The following SDK2 variants were observed in gnomAD, a reference collection of about 807,000 sequenced individuals.
The protein encoded by SDK2 is protein sidekick-2.
SDK2 carries 105 observed loss-of-function variants against 253.9 expected under a neutral mutation model. The ratio of observed to expected loss-of-function variants is 0.41; its 90% CI spans 0.35 to 0.49. The LOEUF is 0.49. Ranked by LOEUF, SDK2 falls within the 20% of genes least tolerant of loss-of-function variation. The probability of loss-of-function intolerance (pLI) is 0.06; values close to 1 mark genes in which losing one functional copy is unlikely to be tolerated. For synonymous variants in SDK2, 1,249 were observed against 1,234.9 expected (o/e 1.01, Z -0.24); for missense variants, 2,608 against 3,003.0 (o/e 0.87, Z 3.07).
At chr17:73,489,993 C>T (rs2063794852) in intron 2 of SDK2, among the ~76,000 whole-genome samples, 1 of 152,172 alleles carries the variant, frequency 6.6e-6, no homozygotes. Context: ...AGTGGATTTA[C>T]CATCATGAGA....
chr17:73,376,631 A>G (rs1443671073), intron 36 of SDK2, among the ~76,000 whole-genome samples: 1 of 151,944 alleles, frequency 6.6e-6, no homozygotes, highest in Non-Finnish European at 1.5e-5. Flanking sequence ...TGTATTCTGT[A>G]TGGTGTTGTG....
chr17:73,634,508 G>A lies in SDK2; in HGVS notation c.64+9517C>T, dbSNP rs78692836. 1.3e-3 allele frequency among the ~76,000 whole-genome samples: 193 copies of A among 152,318 alleles called. 1 individual carries two copies. The highest frequency in any genetic ancestry group is 3.7e-3 in the African/African-American group (155 of 41,576). ...CACATACATTTGAGATTTTATGGCAGGATCCAATAAATACATTCACCTTAA... is the reference window on the plus strand; with the variant it reads ...CACATACATTTGAGATTTTATGGCAAGATCCAATAAATACATTCACCTTAA... On this transcript the variant is annotated intron_variant, in intron 1 of 44. Coordinates refer to ENST00000392650, the MANE Select transcript of SDK2 (RefSeq NM_001144952.2).
At chr17:73,432,352 C>T (rs1398511952) in intron 10 of SDK2, among the ~76,000 whole-genome samples, 4 of 152,054 alleles carry the variant, frequency 2.6e-5, no homozygotes, top group African/African-American at 9.7e-5. Context: ...TTAAAGAACC[C>T]CCCACCCCCG....
intron 2 of SDK2, among the ~76,000 whole-genome samples, chr17:73,499,921 G>A (rs562097177): frequency 1.1e-3 from 168 of 148,194 alleles, no homozygotes; most frequent in Admixed American, 5.7e-3. Flanking sequence ...TTGAGTGATC[G>A]CCTTGCTCAT....
intron 36 of SDK2, among the ~76,000 whole-genome samples, chr17:73,373,868 C>A (rs934635854): frequency 2.7e-5 from 4 of 150,008 alleles, no homozygotes; most frequent in African/African-American, 1.0e-4. Flanking sequence ...AACTACTGAC[C>A]TCAGGTGATC....
chr17:73,437,234 C>T (rs768569210), intron 8 of SDK2, among the ~76,000 whole-genome samples: 6 of 151,886 alleles, frequency 4.0e-5, no homozygotes, highest in South Asian at 2.1e-4. Flanking sequence ...TGTCTTTTGG[C>T]GGAAATGAAT....
intron 5 of SDK2, among the ~76,000 whole-genome samples, chr17:73,441,316 G>C (rs781194217): frequency 2.4e-4 from 36 of 152,064 alleles, no homozygotes; most frequent in Non-Finnish European, 4.7e-4. Context: ...CAAACTCTCT[G>C]TACGAGGTCA....
At chr17:73,388,307 G>A (rs763462224) in intron 29 of SDK2, among the ~76,000 whole-genome samples, 8 of 152,146 alleles carry the variant, frequency 5.3e-5, no homozygotes, top group Non-Finnish European at 1.0e-4. Flanking sequence ...AAGGATTGAC[G>A]GTGAGGAGTG....
At chr17:73,627,287 A>C (rs1173547094) in intron 1 of SDK2, among the ~76,000 whole-genome samples, 1 of 152,184 alleles carries the variant, frequency 6.6e-6, no homozygotes, top group African/African-American at 2.4e-5. Context: ...TATTTTGTGG[A>C]TTAAATGGCA....
chr17:73,585,844 C>A (rs374756154), intron 1 of SDK2, among the ~76,000 whole-genome samples: 1 of 152,212 alleles, frequency 6.6e-6, no homozygotes. Flanking sequence ...AGTAACTAGA[C>A]CCCTCTGAGC....
chr17:73,539,998 G>A (rs1006973225), intron 1 of SDK2, among the ~76,000 whole-genome samples: 4 of 148,464 alleles, frequency 2.7e-5, no homozygotes, highest in Non-Finnish European at 6.0e-5. Flanking sequence ...CCCAGGATGG[G>A]CAGCCCCCAC....
At chr17:73,601,481 A>G (rs542499305) in intron 1 of SDK2, among the ~76,000 whole-genome samples, 2 of 152,294 alleles carry the variant, frequency 1.3e-5, no homozygotes, top group African/African-American at 4.8e-5. Flanking sequence ...CTAGTCCAAT[A>G]TGCTGTCCTG....
rs1599521341 is a variant in SDK2, at chr17:73,395,480, G to A, written c.3355-88C>T. The A allele has an allele frequency of 9.4e-7, 1 of 1,067,236 alleles. No homozygotes were observed. The highest frequency in any genetic ancestry group is 1.4e-6 in the Non-Finnish European group (1 of 717,592). 66.1% of individuals were successfully genotyped at this position (1,067,236 alleles called of 1,614,324 possible). A position where few individuals can be genotyped will look rare whatever the true frequency, so the allele number is the denominator to read the frequency against. On this transcript the variant is annotated intron_variant, in intron 24 of 44. Transcript: ENST00000392650. This position sits in a 1 kb window ranked among gnomAD's most constrained non-coding sequence, Gnocchi z 4.3. ...CTGCCCTGCTACCCTCTCCTCCAGG[G>A]CGCCTTCAGGGCTATCCATCCCACT... is the stretch of plus-strand genomic sequence containing the variant.
chr17:73,417,132 G>A (rs1169330393), intron 16 of SDK2, among the ~76,000 whole-genome samples: 1 of 151,864 alleles, frequency 6.6e-6, no homozygotes, highest in Admixed American at 6.6e-5. Context: ...GGCCGGGCAT[G>A]GTGGCTCGTA....
chr17:73,372,519 A>C (rs917213499), intron 36 of SDK2, among the ~76,000 whole-genome samples: 2 of 152,188 alleles, frequency 1.3e-5, no homozygotes, highest in Admixed American at 6.5e-5. Flanking sequence ...GCCATTTACT[A>C]TGCCCAATTC....
chr17:73,536,092 C>T (rs981261823), intron 1 of SDK2, among the ~76,000 whole-genome samples: 2 of 152,158 alleles, frequency 1.3e-5, no homozygotes, highest in African/African-American at 2.4e-5. Context: ...AGTTCATGGA[C>T]GAGACCACAC....
In SDK2 at chr17:73,638,599, T is replaced by C. The variant is rs2046360491; in HGVS notation, c.64+5426A>G. ...TTCCAGGAACAACAGGCAGTCAGTG[T>C]GGGGACAGGAGTGAATGCAGGGGGA... On this transcript the variant is annotated intron_variant, in intron 1 of 44. Coordinates refer to ENST00000392650, the MANE Select transcript of SDK2 (RefSeq NM_001144952.2). 4.0e-5 allele frequency among the ~76,000 whole-genome samples: 6 copies of C among 151,408 alleles called. 1 individual carries two copies. In the South Asian group the frequency reaches 1.3e-3, roughly 32 times the overall value.
chr17:73,594,497 G>C (rs2045726252), intron 1 of SDK2, among the ~76,000 whole-genome samples: 1 of 152,148 alleles, frequency 6.6e-6, no homozygotes, highest in Non-Finnish European at 1.5e-5. Context: ...GGGGGAGAGA[G>C]AGAGAGAGAA....
chr17:73,439,584 C>G (rs912197335), intron 6 of SDK2, among the ~76,000 whole-genome samples: 2 of 152,196 alleles, frequency 1.3e-5, no homozygotes, highest in Non-Finnish European at 2.9e-5. Context: ...AGGACATGCT[C>G]TCCCTCTCCA....
Sources: allele counts gnomAD v4.1 joint callset (sites outside exome capture counted in the v4.1 genomes callset), GRCh38; gene constraint gnomAD v4.1.1; non-coding constraint Gnocchi (gnomAD v3.1); transcripts MANE v1.5; gene names NCBI Gene and HGNC (gene_info 2026-07-23, HGNC 2026-07-21).